ARL15: variants seen among roughly 807,000 people sequenced by gnomAD.
The protein encoded by ARL15 is ARF like GTPase 15.
ARL15 carries 19 observed loss-of-function variants against 25.2 expected under a neutral mutation model. The observed-to-expected ratio is 0.75, with a 90% confidence interval of 0.53 to 1.10. The LOEUF is 1.10. ARL15 is among the 50% of genes least tolerant of loss of function. The pLI is 0.00. For missense variants in ARL15, 220 were observed against 246.0 expected (o/e 0.89, Z 0.71); for synonymous variants, 94 against 86.8 (o/e 1.08, Z -0.46).
intron 4 of ARL15, among the ~76,000 whole-genome samples, chr5:54,048,522 C>T (rs58203904): frequency 0.3 from 45,162 of 150,092 alleles, 7,875 homozygotes; most frequent in African/African-American, 0.47. Context: ...CCTGCCTAGG[C>T]TTCCCAAGTA....
intron 1 of ARL15, among the ~76,000 whole-genome samples, chr5:54,236,700 T>G (rs1317938897): frequency 1.3e-5 from 2 of 152,238 alleles, no homozygotes; most frequent in African/African-American, 4.8e-5. Flanking sequence ...AATCATATAT[T>G]GCCCAGTGCA....
chr5:54,020,156 ACCCT>A (rs1248855325), intron 4 of ARL15, among the ~76,000 whole-genome samples: 4 of 152,102 alleles, frequency 2.6e-5, no homozygotes, highest in African/African-American at 9.7e-5. Flanking sequence ...ATCAGTGGTG[ACCCT>A]CCCCCTCTCA....
chr5:54,259,133 C>G (rs1372148614), intron 1 of ARL15, among the ~76,000 whole-genome samples: 2 of 151,966 alleles, frequency 1.3e-5, no homozygotes, highest in African/African-American at 4.8e-5. Flanking sequence ...CATCTTGGAC[C>G]CAGTATTCAT....
intron 4 of ARL15, among the ~76,000 whole-genome samples, chr5:54,055,496 G>T (rs561285411): frequency 6.6e-6 from 1 of 151,746 alleles, no homozygotes; most frequent in African/African-American, 2.4e-5. Flanking sequence ...AAGTAGCTGG[G>T]ATTACAGGCA....
At chr5:53,924,158 G>A (rs1561151558) in intron 4 of ARL15, among the ~76,000 whole-genome samples, 2 of 152,206 alleles carry the variant, frequency 1.3e-5, no homozygotes, top group Non-Finnish European at 2.9e-5. Flanking sequence ...TGAGCACCTT[G>A]AGAAGTAACA....
intron 4 of ARL15, among the ~76,000 whole-genome samples, chr5:54,041,894 TA>T (rs1202115811): frequency 2.6e-5 from 4 of 152,108 alleles, no homozygotes; most frequent in African/African-American, 9.6e-5. Flanking sequence ...GATTGTTTGG[TA>T]AAAAATCCTC....
chr5:54,078,517 T>C (rs1305051715), intron 4 of ARL15, among the ~76,000 whole-genome samples: 3 of 152,232 alleles, frequency 2.0e-5, no homozygotes, highest in Non-Finnish European at 1.5e-5. Flanking sequence ...TGAGAAGGCA[T>C]ACTAGTACTC....
chr5:54,148,631 C>T (rs1336612201), intron 3 of ARL15, among the ~76,000 whole-genome samples: 1 of 152,194 alleles, frequency 6.6e-6, no homozygotes, highest in Non-Finnish European at 1.5e-5. Flanking sequence ...CAGCCAGCTG[C>T]TTTTCAGCTG....
At chr5:53,889,810 GT>G (rs35947755) in intron 4 of ARL15, among the ~76,000 whole-genome samples, 10,082 of 135,768 alleles carry the variant, frequency 0.074, 421 homozygotes, top group East Asian at 0.2. Flanking sequence ...AGTTCTGACT[GT>G]TTTTTTTTTT....
intron 4 of ARL15, among the ~76,000 whole-genome samples, chr5:53,973,434 C>G (rs1747816057): frequency 6.6e-6 from 1 of 152,022 alleles, no homozygotes; most frequent in African/African-American, 2.4e-5. Context: ...ATTAGCCAGG[C>G]ATGGTGGCGG....
chr5:54,068,131 G>A (rs1466751346), intron 4 of ARL15, among the ~76,000 whole-genome samples: 3 of 152,156 alleles, frequency 2.0e-5, no homozygotes, highest in African/African-American at 7.2e-5. Context: ...TTTAAAAGTC[G>A]TAGAGCCATG....
At chr5:54,163,689 A>G (rs1754487563) in intron 2 of ARL15, among the ~76,000 whole-genome samples, 1 of 151,982 alleles carries the variant, frequency 6.6e-6, no homozygotes, top group African/African-American at 2.4e-5. Flanking sequence ...ATTTACTGGC[A>G]TAAGGTTGTT....
chr5:53,969,508 A>G (rs1283944532), intron 4 of ARL15, among the ~76,000 whole-genome samples: 1 of 152,248 alleles, frequency 6.6e-6, no homozygotes, highest in East Asian at 1.9e-4. Flanking sequence ...ACATTTTGCC[A>G]GGAGCAAAAT....
chr5:54,163,722 C>T (rs540170389), intron 2 of ARL15, among the ~76,000 whole-genome samples: 6 of 152,006 alleles, frequency 3.9e-5, no homozygotes, highest in African/African-American at 1.4e-4. Context: ...TTATTAACCT[C>T]TTACTATTTA....
At chr5:54,030,263 G>C (rs371290801) in intron 4 of ARL15, among the ~76,000 whole-genome samples, 1 of 152,074 alleles carries the variant, frequency 6.6e-6, no homozygotes. Flanking sequence ...TTATGTATAA[G>C]ACACATAAGG....
chr5:54,200,086 T>C (rs965261807), intron 1 of ARL15, among the ~76,000 whole-genome samples: 5 of 141,766 alleles, frequency 3.5e-5, no homozygotes, highest in African/African-American at 7.9e-5. Flanking sequence ...TAGGTGGGAA[T>C]TGAACAATGA....
At chr5:54,023,819 G>A (rs1749692380) in intron 4 of ARL15, among the ~76,000 whole-genome samples, 1 of 152,170 alleles carries the variant, frequency 6.6e-6, no homozygotes, top group South Asian at 2.1e-4. Context: ...CATATCACAG[G>A]AAGAAAGACT....
chr5:53,950,500 C>CT (rs995438754), intron 4 of ARL15, among the ~76,000 whole-genome samples: 31 of 152,116 alleles, frequency 2.0e-4, no homozygotes, highest in African/African-American at 6.0e-4. Context: ...CTACTCACAG[C>CT]TTTTTTTCAT....
intron 3 of ARL15, among the ~76,000 whole-genome samples, chr5:54,128,853 G>A (rs1033676070): frequency 2.6e-5 from 4 of 151,686 alleles, no homozygotes; most frequent in East Asian, 1.9e-4. Flanking sequence ...CTACAGATGA[G>A]TGCCACCACG....
Sources: gnomAD v4.1 joint callset for allele counts (sites outside exome capture counted in the v4.1 genomes callset) on GRCh38, gnomAD v4.1.1 for gene constraint, MANE v1.5 for transcripts, NCBI Gene and HGNC (gene_info 2026-07-23, HGNC 2026-07-21) for gene names.